PCDHA13: variants seen among roughly 807,000 people sequenced by gnomAD.
The protein encoded by PCDHA13 is protocadherin alpha-13.
Under a neutral mutation model 64.8 loss-of-function variants are expected in PCDHA13, and 54 were observed. That is an observed-to-expected ratio of 0.83 (90% CI 0.67 to 1.04). The LOEUF is 1.04. Ranked by LOEUF, PCDHA13 falls within the 50% of genes least tolerant of loss-of-function variation. The probability of loss-of-function intolerance (pLI) is 0.00; values close to 1 mark genes in which losing one functional copy is unlikely to be tolerated. For missense variants in PCDHA13, 1,248 were observed against 1,254.3 expected (o/e 0.99, Z 0.08); for synonymous variants, 587 against 564.4 (o/e 1.04, Z -0.57).
intron 1 of PCDHA13, chr5:140,966,480 TC>T: frequency 2.3e-6 from 1 of 431,902 alleles, no homozygotes; most frequent in Admixed American, 4.4e-5. Flanking sequence ...TGTTTCCTTT[TC>T]CCTCCCCCTG....
intron 3 of PCDHA13, among the ~76,000 whole-genome samples, chr5:140,999,024 T>C (rs17119348): frequency 0.023 from 3,497 of 152,332 alleles, 138 homozygotes; most frequent in African/African-American, 0.08. Context: ...CCAAGACTTT[T>C]GATACTTCGT....
At chr5:140,988,556 C>A (rs574182013) in intron 3 of PCDHA13, among the ~76,000 whole-genome samples, 1 of 152,158 alleles carries the variant, frequency 6.6e-6, no homozygotes, top group South Asian at 2.1e-4. Flanking sequence ...TCTTCATCTT[C>A]TTCTTGGGAA....
rs2098417418 is a variant in PCDHA13, at chr5:141,010,475, T to A, written c.*538T>A. On this transcript the variant is annotated 3_prime_UTR_variant, in exon 4 of 4. Coordinates refer to ENST00000289272, the MANE Select transcript of PCDHA13 (RefSeq NM_018904.3). ...GGAAGTTATCAGTATGGAGGGGAAG[T>A]GTAAACTTAAAGGGACCAGACTTTC... 16 of 757,310 alleles carry A rather than the reference T, an allele frequency of 2.1e-5. No homozygotes were observed. The highest frequency in any genetic ancestry group is 3.0e-5 in the Non-Finnish European group (15 of 502,774). 46.9% of individuals were successfully genotyped at this position (757,310 alleles called of 1,614,324 possible). A position where few individuals can be genotyped will look rare whatever the true frequency, so the allele number is the denominator to read the frequency against.
chr5:140,897,052 C>G (rs2065858358), intron 1 of PCDHA13, among the ~76,000 whole-genome samples: 1 of 152,114 alleles, frequency 6.6e-6, no homozygotes, highest in Non-Finnish European at 1.5e-5. Context: ...ATTCTGCTGT[C>G]AAATACTATG....
At chr5:140,968,067 T>G in intron 1 of PCDHA13, 1 of 1,614,082 alleles carries the variant, frequency 6.2e-7, no homozygotes, top group Non-Finnish European at 8.5e-7. Context: ...CGGGTGGCTG[T>G]CTACAACATC....
intron 1 of PCDHA13, among the ~76,000 whole-genome samples, chr5:140,913,340 C>G (rs1276320319): frequency 6.6e-6 from 1 of 152,024 alleles, no homozygotes; most frequent in African/African-American, 2.4e-5. Context: ...GGAATTTATC[C>G]ATTTCCTCTA....
At chr5:140,956,650 GATGCTGGCCTTA>G (rs2095299191) in intron 1 of PCDHA13, among the ~76,000 whole-genome samples, 1 of 152,154 alleles carries the variant, frequency 6.6e-6, no homozygotes, top group Non-Finnish European at 1.5e-5. Context: ...GTATCAGGAT[GATGCTGGCCTTA>G]AAGGAGTTAG....
At chr5:140,976,597 G>A (rs1477005420) in intron 1 of PCDHA13, among the ~76,000 whole-genome samples, 1 of 152,062 alleles carries the variant, frequency 6.6e-6, no homozygotes, top group South Asian at 2.1e-4. Flanking sequence ...TTTGTGTTAA[G>A]GGGACCTAAA....
intron 1 of PCDHA13, among the ~76,000 whole-genome samples, chr5:140,959,996 A>T (rs1042631849): frequency 3.3e-5 from 5 of 152,228 alleles, no homozygotes; most frequent in Admixed American, 6.5e-5. Context: ...GATATGAAAT[A>T]CAAATCTATT....
intron 1 of PCDHA13, among the ~76,000 whole-genome samples, chr5:140,897,045 C>T (rs1362151452): frequency 3.3e-5 from 5 of 152,090 alleles, no homozygotes; most frequent in African/African-American, 9.7e-5. Context: ...TCACCCTATT[C>T]TGCTGTCAAA....
At chr5:140,887,532 C>T (rs1161154809) in intron 1 of PCDHA13, among the ~76,000 whole-genome samples, 1 of 152,152 alleles carries the variant, frequency 6.6e-6, no homozygotes, top group African/African-American at 2.4e-5. Flanking sequence ...GAGTCTTCCT[C>T]TCCCCACCCC....
At position 140,974,381 on chromosome 5, in the gene PCDHA13, G is replaced by A. The variant is rs782006620; in HGVS notation, c.2395-4568G>A. 3.3e-5 allele frequency among the ~76,000 whole-genome samples: 5 copies of A among 152,272 alleles called. No homozygotes were observed. In the East Asian group the frequency reaches 7.7e-4, roughly 23 times the overall value. On this transcript the variant is annotated intron_variant, in intron 1 of 3. Transcript: ENST00000289272. ...AGACCTAGCACTTTCTGTTGTACTG[G>A]AACCCATTAGGTATGTTCTAAAGTT...
At chr5:140,946,610 A>AT (rs2093970425) in intron 1 of PCDHA13, among the ~76,000 whole-genome samples, 1 of 119,932 alleles carries the variant, frequency 8.3e-6, no homozygotes, top group African/African-American at 3.4e-5. Flanking sequence ...AGAAAATGTG[A>AT]AATATATATA....
chr5:140,956,177 A>G (rs1261759530), intron 1 of PCDHA13, among the ~76,000 whole-genome samples: 6 of 152,192 alleles, frequency 3.9e-5, no homozygotes, highest in Non-Finnish European at 8.8e-5. Flanking sequence ...AGAACTTCCA[A>G]TACTATGCTG....
intron 1 of PCDHA13, among the ~76,000 whole-genome samples, chr5:140,956,151 C>A (rs1193859248): frequency 6.6e-6 from 1 of 152,156 alleles, no homozygotes; most frequent in African/African-American, 2.4e-5. Flanking sequence ...CTTTCTCTTT[C>A]CTAATTGCCA....
chr5:140,928,109 A>G (rs1472439079), intron 1 of PCDHA13: 1 of 1,614,104 alleles, frequency 6.2e-7, no homozygotes, highest in Middle Eastern at 1.6e-4. Flanking sequence ...CTGGACCGGG[A>G]GCAGATCAGT....
intron 1 of PCDHA13, among the ~76,000 whole-genome samples, chr5:140,933,174 A>G (rs1400055066): frequency 2.0e-5 from 3 of 151,742 alleles, no homozygotes; most frequent in Non-Finnish European, 3.0e-5. Context: ...AATTGATGGC[A>G]TAAGATAATG....
chr5:140,887,561 CT>C (rs2061497104), intron 1 of PCDHA13, among the ~76,000 whole-genome samples: 1 of 151,690 alleles, frequency 6.6e-6, no homozygotes, highest in Non-Finnish European at 1.5e-5. Context: ...ACTGTTAAAA[CT>C]TTTCTTTTTA....
chr5:140,884,818 T>C (rs1298208791), intron 1 of PCDHA13, 156 bp downstream of exon 1: 1 of 1,050,614 alleles, frequency 9.5e-7, no homozygotes, highest in Non-Finnish European at 1.3e-6. Context: ...CTGTGGACAT[T>C]ATGTGTTGGA....
Sources: allele counts gnomAD v4.1 joint callset (sites outside exome capture counted in the v4.1 genomes callset), GRCh38; gene constraint gnomAD v4.1.1; transcripts MANE v1.5; gene names NCBI Gene and HGNC (gene_info 2026-07-23, HGNC 2026-07-21).